Variants in CALD1 observed in about 807,000 individuals in gnomAD.
CALD1 encodes the protein caldesmon 1, also known as caldesmon.
In CALD1, 33 loss-of-function variants were observed where a neutral mutation model predicts 99.9. That is an observed-to-expected ratio of 0.33 (90% CI 0.25 to 0.44). The LOEUF is 0.44. CALD1 is among the 20% of genes least tolerant of loss of function. The pLI, the probability that CALD1 is intolerant of heterozygous loss-of-function variation, is 1.00. For synonymous variants in CALD1, 310 were observed against 325.0 expected, an observed-to-expected ratio of 0.95 and a Z score of 0.50; for missense variants, 861 against 962.1, an observed-to-expected ratio of 0.89 and a Z score of 1.39.
At chr7:134,858,580 CT>C (rs887980138) in intron 2 of CALD1, among the ~76,000 whole-genome samples, 48 of 149,198 alleles carry the variant, frequency 3.2e-4, no homozygotes, top group African/African-American at 1.0e-3. Flanking sequence ...TGAAAGATCT[CT>C]TTTTTTTTTG....
intron 1 of CALD1, among the ~76,000 whole-genome samples, chr7:134,799,889 T>A (rs1188556228): frequency 1.3e-5 from 2 of 152,034 alleles, no homozygotes; most frequent in Non-Finnish European, 2.9e-5. Flanking sequence ...AACAAGGAAA[T>A]TTTCATAAAT....
At chr7:134,965,196 A>G in intron 13 of CALD1, 110 bp from the exon 14 acceptor site, 1 of 708,334 alleles carries the variant, frequency 1.4e-6, no homozygotes. Flanking sequence ...GGTAAAGTGT[A>G]TTAAACAACA....
chr7:134,719,468 C>A, the CALD1 span, among the ~76,000 whole-genome samples: 1 of 152,026 alleles, frequency 6.6e-6, no homozygotes, highest in Admixed American at 6.5e-5. Flanking sequence ...CTAGGAAGAG[C>A]CAAACAGCCA....
chr7:134,857,158 CTTTTTTTTTTTTTT>C (rs59210460), intron 2 of CALD1, among the ~76,000 whole-genome samples: 3 of 75,366 alleles, frequency 4.0e-5, no homozygotes, highest in Admixed American at 2.0e-4. Flanking sequence ...TTGCGCTATT[CTTTTTTTTTTTTTT>C]TTTTTTTTTT....
intron 1 of CALD1, among the ~76,000 whole-genome samples, chr7:134,764,217 G>C (rs745844576): frequency 1.3e-5 from 2 of 152,016 alleles, no homozygotes; most frequent in African/African-American, 2.4e-5. Flanking sequence ...TCCTGGCCTG[G>C]ACCCAAATCC....
chr7:134,934,129 T>G (rs1243073468), intron 5 of CALD1, 52 bp downstream of exon 5: 1 of 1,561,228 alleles, frequency 6.4e-7, no homozygotes, highest in Non-Finnish European at 8.6e-7. Context: ...TTGTGAGAAA[T>G]GTAATGCACA....
At chr7:134,887,746 ATG>A (rs5887712) in intron 3 of CALD1, among the ~76,000 whole-genome samples, 34,409 of 149,506 alleles carry the variant, frequency 0.23, 4,323 homozygotes, top group African/African-American at 0.33. Flanking sequence ...CTGTGTGTGC[ATG>A]TGTGTCTCTA....
At chr7:134,849,073 G>A (rs1247775182) in intron 2 of CALD1, among the ~76,000 whole-genome samples, 5 of 151,998 alleles carry the variant, frequency 3.3e-5, no homozygotes, top group South Asian at 2.1e-4. Context: ...ATCCAATGAC[G>A]TGTTCAGTGA....
intron 14 of CALD1, among the ~76,000 whole-genome samples, chr7:134,966,075 A>T (rs1808661467): frequency 6.6e-6 from 1 of 152,112 alleles, no homozygotes; most frequent in Non-Finnish European, 1.5e-5. Context: ...CAAGTAATAG[A>T]CCTCGTGTTC....
chr7:134,867,968 T>C (rs1800880542), intron 3 of CALD1, 164 bp downstream of exon 3: 1 of 424,748 alleles, frequency 2.4e-6, no homozygotes, highest in Non-Finnish European at 4.4e-6. Context: ...AAATTAAGCA[T>C]TTAAAAAAGG....
intron 1 of CALD1, among the ~76,000 whole-genome samples, chr7:134,773,796 G>A (rs1796896064): frequency 6.6e-6 from 1 of 150,942 alleles, no homozygotes; most frequent in Admixed American, 6.6e-5. Context: ...GTGTGTGTGT[G>A]TGTGTGTGTG....
upstream of CALD1, among the ~76,000 whole-genome samples, chr7:134,741,890 T>C (rs566069314): frequency 2.6e-4 from 40 of 152,336 alleles, no homozygotes; most frequent in African/African-American, 8.7e-4. Context: ...ATTAAATGCC[T>C]ACTATGTTCC....
At position 134,757,696 on chromosome 7, in the gene CALD1, T is replaced by C. The variant is rs184077491; in HGVS notation, c.-130+13333T>C. ...GAATTCAAGACCAGCCTGGCCAACA[T>C]GGTGAAACCCTGTCTCTACTAAAAA... On this transcript the variant is annotated intron_variant, in intron 1 of 13. Transcript: ENST00000417172. 2.4e-3 allele frequency among the ~76,000 whole-genome samples: 358 copies of C among 152,078 alleles called. 2 individuals carry two copies. Among genetic ancestry groups the C allele is most frequent in the African/African-American group, 8.1e-3 (337 of 41,480 alleles).
intron 3 of CALD1, among the ~76,000 whole-genome samples, chr7:134,910,286 T>C (rs917934553): frequency 1.3e-5 from 2 of 152,154 alleles, no homozygotes; most frequent in Non-Finnish European, 2.9e-5. Context: ...AGACAGCCCG[T>C]GATAGGGTGG....
intron 9 of CALD1, among the ~76,000 whole-genome samples, chr7:134,951,720 G>C (rs908264634): frequency 6.6e-6 from 1 of 152,184 alleles, no homozygotes; most frequent in Non-Finnish European, 1.5e-5. Flanking sequence ...CTGAGTCAGG[G>C]AGATGATAGA....
chr7:134,799,861 T>C (rs1797880016), intron 1 of CALD1, among the ~76,000 whole-genome samples: 2 of 152,150 alleles, frequency 1.3e-5, no homozygotes, highest in South Asian at 2.1e-4. Flanking sequence ...TGTTCATATG[T>C]TTTTCTTCAT....
intron 1 of CALD1, among the ~76,000 whole-genome samples, chr7:134,749,642 T>C (rs923767852): frequency 1.3e-4 from 20 of 152,078 alleles, no homozygotes; most frequent in African/African-American, 4.8e-4. Context: ...GGCATGGATG[T>C]GGAATGATCC....
Position 134,950,400 on chromosome 7 carries a change from G to A in CALD1, c.1821G>A (p.Glu607=). The A allele has an allele frequency of 6.2e-7, 1 of 1,614,190 alleles. No homozygotes were observed. The highest frequency in any genetic ancestry group is 8.5e-7 in the Non-Finnish European group (1 of 1,180,010). ...EEEEKRRLKE[E]IERRRAEAAE... ...AAGAGAAGAGGAGGCTAAAGGAAGA[G>A]ATTGAAAGGCGAAGAGCAGAAGCTG... Residue 607 remains glutamate (E), a synonymous_variant, in exon 9 of 15, where the codon GAG becomes GAA. Transcript: ENST00000361675.
At chr7:134,838,946 T>C (rs552350526) in intron 1 of CALD1, among the ~76,000 whole-genome samples, 13 of 152,290 alleles carry the variant, frequency 8.5e-5, no homozygotes, top group African/African-American at 2.4e-4. Flanking sequence ...GTGTAACATA[T>C]AGAGAAGTGC....
Sources: gnomAD v4.1 joint callset for allele counts (sites outside exome capture counted in the v4.1 genomes callset) on GRCh38, gnomAD v4.1.1 for gene constraint, MANE v1.5 for transcripts, NCBI Gene and HGNC (gene_info 2026-07-23, HGNC 2026-07-21) for gene names.